Variants in ANKFN1 observed in about 807,000 individuals in gnomAD.
The protein encoded by ANKFN1 is ankyrin repeat and fibronectin type III domain containing 1.
ANKFN1 carries 74 observed loss-of-function variants against 108.7 expected under a neutral mutation model. That is an observed-to-expected ratio of 0.68 (90% CI 0.56 to 0.83). The LOEUF (loss-of-function observed/expected upper bound fraction) is 0.83. ANKFN1 is among the 40% of genes least tolerant of loss of function. The probability of loss-of-function intolerance (pLI) is 0.00; values close to 1 mark genes in which losing one functional copy is unlikely to be tolerated. For missense variants in ANKFN1, 1,505 were observed against 1,382.3 expected, an observed-to-expected ratio of 1.09 and a Z score of -1.41; for synonymous variants, 547 against 516.2, an observed-to-expected ratio of 1.06 and a Z score of -0.81.
At chr17:56,503,821 C>T (rs922197205) in intron 20 of ANKFN1, among the ~76,000 whole-genome samples, 1 of 152,118 alleles carries the variant, frequency 6.6e-6, no homozygotes, top group Non-Finnish European at 1.5e-5. Context: ...TTTCATCAAA[C>T]AGCTCCTGGG....
intron 4 of ANKFN1, among the ~76,000 whole-genome samples, chr17:56,049,841 G>A (rs1424322600): frequency 7.2e-4 from 108 of 149,010 alleles, no homozygotes; most frequent in South Asian, 6.5e-3. Flanking sequence ...GAATAATGCC[G>A]CAATAAACAT....
intron 3 of ANKFN1, among the ~76,000 whole-genome samples, chr17:56,256,043 T>G (rs1249285144): frequency 2.0e-5 from 3 of 152,084 alleles, no homozygotes; most frequent in Non-Finnish European, 4.4e-5. Context: ...AATATAGAGA[T>G]AGTAATTTTG....
chr17:56,180,975 T>C (rs1223573061), intron 1 of ANKFN1, among the ~76,000 whole-genome samples: 2 of 152,170 alleles, frequency 1.3e-5, no homozygotes, highest in African/African-American at 4.8e-5. Context: ...CTACAAAACA[T>C]GTTGCCTTAC....
chr17:56,326,326 T>C lies in ANKFN1; in HGVS notation c.159T>C (p.Cys53=). ...GCACTGGACAATTACCAACAACTTG[T>C]TCCTCTGCTGCCTCGAACAGCATAA... The part of the protein sequence containing the change: ...NESTGQLPTT[C]SSAASNSINW... Residue 53 remains cysteine (C), a synonymous_variant, in exon 4 of 21, where the codon TGT becomes TGC. Transcript: ENST00000682825. 6.2e-7 allele frequency: 1 copy of C among 1,613,788 alleles called. No homozygotes were observed. The highest frequency in any genetic ancestry group is 1.1e-5 in the South Asian group (1 of 90,996).
chr17:56,223,882 C>T (rs573477614), intron 2 of ANKFN1, among the ~76,000 whole-genome samples: 15 of 152,332 alleles, frequency 9.8e-5, no homozygotes, highest in African/African-American at 3.6e-4. Context: ...CTTCCAAATG[C>T]TTTATATGTA....
At chr17:56,372,491 T>A (rs1488655783) in intron 6 of ANKFN1, among the ~76,000 whole-genome samples, 155 bp from the exon 7 acceptor site, 2 of 151,904 alleles carry the variant, frequency 1.3e-5, no homozygotes, top group African/African-American at 4.8e-5. Context: ...TTAGACCTTA[T>A]CATAGTAAGA....
chr17:56,354,799 G>A (rs2046332794), intron 6 of ANKFN1, among the ~76,000 whole-genome samples: 1 of 151,916 alleles, frequency 6.6e-6, no homozygotes, highest in African/African-American at 2.4e-5. Flanking sequence ...TTCTTTGCTT[G>A]GCTTATACAA....
intron 3 of ANKFN1, among the ~76,000 whole-genome samples, chr17:56,256,162 T>A (rs1425512891): frequency 6.6e-6 from 1 of 152,190 alleles, no homozygotes; most frequent in East Asian, 1.9e-4. Context: ...AGAGTTAGTC[T>A]GAGAACAGCT....
chr17:56,309,562 C>T (rs537154123), intron 3 of ANKFN1, among the ~76,000 whole-genome samples: 5 of 151,520 alleles, frequency 3.3e-5, no homozygotes, highest in South Asian at 2.1e-4. Context: ...TTTTTTGATT[C>T]ATAGATTGGA....
chr17:56,193,016 T>G (rs1255883969), intron 1 of ANKFN1, among the ~76,000 whole-genome samples: 155 of 133,320 alleles, frequency 1.2e-3, no homozygotes, highest in African/African-American at 3.6e-3. Context: ...TGTCCAAAAA[T>G]GATAGACTGG....
At chr17:56,112,760 T>G (rs978498533) in intron 4 of ANKFN1, among the ~76,000 whole-genome samples, 1 of 152,124 alleles carries the variant, frequency 6.6e-6, no homozygotes, top group Non-Finnish European at 1.5e-5. Context: ...ACACCCTAAT[T>G]TCTTTTAAAC....
intron 8 of ANKFN1, among the ~76,000 whole-genome samples, 185 bp downstream of exon 8, chr17:56,374,899 T>A (rs1011710000): frequency 6.6e-6 from 1 of 152,202 alleles, no homozygotes; most frequent in South Asian, 2.1e-4. Flanking sequence ...ACTGAGAATG[T>A]CACAGAAAGG....
intron 2 of ANKFN1, among the ~76,000 whole-genome samples, chr17:56,217,416 C>T (rs77202573): frequency 0.036 from 5,484 of 152,240 alleles, 339 homozygotes; most frequent in African/African-American, 0.12. Context: ...AAAATTCCAC[C>T]GCATTGTGTT....
At chr17:56,353,355 A>C (rs1444116812) in intron 5 of ANKFN1, among the ~76,000 whole-genome samples, 1 of 151,450 alleles carries the variant, frequency 6.6e-6, no homozygotes, top group Non-Finnish European at 1.5e-5. Flanking sequence ...TCCTGCCTCA[A>C]CCTCCAGAGT....
At chr17:56,430,921 C>A (rs1270681111) in intron 8 of ANKFN1, among the ~76,000 whole-genome samples, 1 of 152,148 alleles carries the variant, frequency 6.6e-6, no homozygotes, top group East Asian at 1.9e-4. Flanking sequence ...CCATGTAGAA[C>A]TGACATTTAC....
intron 4 of ANKFN1, among the ~76,000 whole-genome samples, chr17:56,145,448 C>G (rs1285017963): frequency 6.6e-6 from 1 of 152,158 alleles, no homozygotes; most frequent in Non-Finnish European, 1.5e-5. Context: ...ACCTTACAAT[C>G]ATGGCAGAAG....
chr17:56,403,798 G>A (rs1056765686), intron 8 of ANKFN1, among the ~76,000 whole-genome samples: 1 of 152,050 alleles, frequency 6.6e-6, no homozygotes, highest in Non-Finnish European at 1.5e-5. Flanking sequence ...GTTTTGATGT[G>A]TTTCCAGGAT....
intron 4 of ANKFN1, among the ~76,000 whole-genome samples, chr17:56,113,251 C>G (rs962616756): frequency 6.6e-6 from 1 of 152,086 alleles, no homozygotes; most frequent in Non-Finnish European, 1.5e-5. Flanking sequence ...GTGGACCTAG[C>G]CTTATCTTTA....
At position 56,086,605 on chromosome 17, in the gene ANKFN1, A is replaced by G. The variant is rs540752137; in HGVS notation, c.288+40280A>G. ...GAGGCTTCACCTGGATTCTTCTCCTAGGGCTTCTTACCTGAACCATATGTT... is the reference window on the plus strand; with the variant it reads ...GAGGCTTCACCTGGATTCTTCTCCTGGGGCTTCTTACCTGAACCATATGTT... On this transcript the variant is annotated intron_variant, in intron 4 of 12. Coordinates refer to the ANKFN1 transcript ENST00000635860. Among the ~76,000 whole-genome samples the G allele has an allele frequency of 1.0e-3, 151 of 151,422 alleles. 5 individuals carry two copies. Among genetic ancestry groups the G allele is most frequent in the African/African-American group, 3.4e-3 (141 of 41,324 alleles).
Sources: allele counts gnomAD v4.1 joint callset (sites outside exome capture counted in the v4.1 genomes callset), GRCh38; gene constraint gnomAD v4.1.1; transcripts MANE v1.5; gene names NCBI Gene and HGNC (gene_info 2026-07-23, HGNC 2026-07-21).